CADM2: variants seen among roughly 807,000 people sequenced by gnomAD.
The protein encoded by CADM2 is immunoglobulin superfamily member 4D.
CADM2 carries 12 observed loss-of-function variants against 49.8 expected under a neutral mutation model. The ratio of observed to expected loss-of-function variants is 0.24; its 90% CI spans 0.15 to 0.39. The LOEUF is 0.39. Ranked by LOEUF, CADM2 falls within the 10% of genes least tolerant of loss-of-function variation. The pLI is 1.00. For synonymous variants in CADM2, 214 were observed against 175.4 expected (o/e 1.22, Z -1.74); for missense variants, 378 against 492.3 (o/e 0.77, Z 2.20).
At chr3:85,241,046 T>C (rs943781819) in intron 1 of CADM2, among the ~76,000 whole-genome samples, 8 of 151,460 alleles carry the variant, frequency 5.3e-5, no homozygotes, top group Non-Finnish European at 1.5e-5. Flanking sequence ...CTTTTGAGCA[T>C]ATAGAAAAGA....
chr3:85,683,475 A>G (rs2066099894), intron 1 of CADM2, among the ~76,000 whole-genome samples: 1 of 152,212 alleles, frequency 6.6e-6, no homozygotes, highest in Non-Finnish European at 1.5e-5. Context: ...CAAACATAAA[A>G]TATTGATCCT....
At chr3:85,699,137 G>A (rs898851404) in intron 1 of CADM2, among the ~76,000 whole-genome samples, 2 of 152,098 alleles carry the variant, frequency 1.3e-5, no homozygotes, top group Non-Finnish European at 2.9e-5. Flanking sequence ...TTGACTCCAT[G>A]TCCCACATCC....
chr3:85,172,969 G>T (rs1223103523), intron 1 of CADM2, among the ~76,000 whole-genome samples: 1 of 143,558 alleles, frequency 7.0e-6, no homozygotes, highest in South Asian at 2.2e-4. Flanking sequence ...ATATATATAT[G>T]TTTCCCAATT....
chr3:85,089,328 A>T (rs954448978), intron 1 of CADM2, among the ~76,000 whole-genome samples: 1 of 152,100 alleles, frequency 6.6e-6, no homozygotes, highest in African/African-American at 2.4e-5. Context: ...GATTCCCTGA[A>T]AAATTGCCCC....
intron 8 of CADM2, among the ~76,000 whole-genome samples, chr3:86,042,519 A>G (rs1736084721): frequency 6.6e-6 from 1 of 152,156 alleles, no homozygotes. Context: ...CCCTCCCAAG[A>G]CTAAACCAGG....
intron 1 of CADM2, among the ~76,000 whole-genome samples, chr3:85,442,854 A>G (rs2037277139): frequency 6.6e-6 from 1 of 151,724 alleles, no homozygotes; most frequent in African/African-American, 2.4e-5. Flanking sequence ...AGAAATTGAT[A>G]TAATATCAGG....
At chr3:85,106,404 A>G (rs1159105230) in intron 1 of CADM2, among the ~76,000 whole-genome samples, 1 of 152,144 alleles carries the variant, frequency 6.6e-6, no homozygotes, top group Non-Finnish European at 1.5e-5. Context: ...TTCCATTTGT[A>G]GCATCCACCT....
intron 1 of CADM2, among the ~76,000 whole-genome samples, chr3:85,355,348 T>C (rs1293388701): frequency 6.6e-6 from 1 of 152,092 alleles, no homozygotes; most frequent in East Asian, 1.9e-4. Context: ...TACTGAGGCA[T>C]GGTGAGCACC....
At chr3:85,037,362 G>T (rs1028078154) in intron 1 of CADM2, among the ~76,000 whole-genome samples, 1 of 152,150 alleles carries the variant, frequency 6.6e-6, no homozygotes, top group Non-Finnish European at 1.5e-5. Flanking sequence ...CAAAGCCAAT[G>T]TGTTACATCT....
chr3:85,626,365 T>A (rs188985120), intron 1 of CADM2, among the ~76,000 whole-genome samples: 4 of 152,100 alleles, frequency 2.6e-5, no homozygotes, highest in Admixed American at 2.6e-4. Context: ...AATTAAACAG[T>A]TTAATTTACA....
chr3:86,046,412 G>A (rs1578052941), intron 8 of CADM2, among the ~76,000 whole-genome samples: 3 of 151,914 alleles, frequency 2.0e-5, no homozygotes, highest in African/African-American at 4.8e-5. Flanking sequence ...CTCCATAGAC[G>A]CTGCCCTTTT....
intron 1 of CADM2, among the ~76,000 whole-genome samples, chr3:85,251,267 A>G (rs2042767536): frequency 6.6e-6 from 1 of 151,878 alleles, no homozygotes; most frequent in Admixed American, 6.6e-5. Flanking sequence ...TACCTTCTCT[A>G]AACTTTTCAT....
chr3:85,199,370 T>TGTTTGAGAGAGAGAGAGAGAGAGA (rs1553694531), intron 1 of CADM2, among the ~76,000 whole-genome samples: 3 of 140,164 alleles, frequency 2.1e-5, no homozygotes, highest in East Asian at 4.1e-4. Context: ...TGTGTGTGTA[T>TGTTTGAGAGAGAGAGAGAGAGAGA]GAGAGAGAGA....
At chr3:85,189,856 C>G (rs2107721700) in intron 1 of CADM2, among the ~76,000 whole-genome samples, 1 of 148,852 alleles carries the variant, frequency 6.7e-6, no homozygotes, top group Non-Finnish European at 1.5e-5. Context: ...GCATCAGGAC[C>G]TTGATGGCTG....
intron 1 of CADM2, among the ~76,000 whole-genome samples, chr3:85,396,889 A>C (rs1416398499): frequency 6.6e-6 from 1 of 152,114 alleles, no homozygotes; most frequent in Non-Finnish European, 1.5e-5. Flanking sequence ...GGCAACAACA[A>C]CAAAAAATTA....
At position 85,902,290 on chromosome 3, in the gene CADM2, A is replaced by G. The variant is rs1716229589; in HGVS notation, c.530-10083A>G. Among the ~76,000 whole-genome samples the G allele has an allele frequency of 2.0e-5, 3 of 151,868 alleles. No homozygotes were observed. The South Asian group carries it at 6.2e-4, about 31-fold the overall frequency. ...TTTTGAAATGTTCTCCATTATTTTA[A>G]TATATTTTATTTTAAAATCTGCTTT... On this transcript the variant is annotated intron_variant, in intron 5 of 9. Transcript: ENST00000383699.
At chr3:85,523,942 G>A (rs953368825) in intron 1 of CADM2, among the ~76,000 whole-genome samples, 1 of 152,022 alleles carries the variant, frequency 6.6e-6, no homozygotes, top group Non-Finnish European at 1.5e-5. Context: ...TCATTCATTG[G>A]TTGTCTAAAT....
At chr3:85,811,857 G>GTT (rs754800114) in intron 3 of CADM2, among the ~76,000 whole-genome samples, 4,794 of 115,342 alleles carry the variant, frequency 0.042, 241 homozygotes, top group African/African-American at 0.13. Context: ...ATGCCTTGAT[G>GTT]TTTTTTTTTT....
chr3:85,946,323 A>G (rs1722684988), intron 7 of CADM2, among the ~76,000 whole-genome samples: 1 of 150,702 alleles, frequency 6.6e-6, no homozygotes, highest in Non-Finnish European at 1.5e-5. Flanking sequence ...ATAAACAGGA[A>G]GAATCAATAT....
Sources: allele counts gnomAD v4.1 joint callset (sites outside exome capture counted in the v4.1 genomes callset), GRCh38; gene constraint gnomAD v4.1.1; transcripts MANE v1.5; gene names NCBI Gene and HGNC (gene_info 2026-07-23, HGNC 2026-07-21).